The following KCNIP2 variants were observed in gnomAD, a reference collection of about 807,000 sequenced individuals.
KCNIP2 encodes potassium voltage-gated channel interacting protein 2.
In KCNIP2, 19 loss-of-function variants were observed where a neutral mutation model predicts 39.0. That is an observed-to-expected ratio of 0.49 (90% CI 0.34 to 0.71). The LOEUF (loss-of-function observed/expected upper bound fraction) is 0.71, where lower values mean the gene tolerates loss of function less well. Ranked by LOEUF, KCNIP2 falls within the 30% of genes least tolerant of loss-of-function variation. The probability of loss-of-function intolerance (pLI) is 0.01; values close to 1 mark genes in which losing one functional copy is unlikely to be tolerated. For synonymous variants in KCNIP2, 111 were observed against 131.2 expected, an observed-to-expected ratio of 0.85 and a Z score of 1.05; for missense variants, 261 against 346.0, an observed-to-expected ratio of 0.75 and a Z score of 1.95.
At position 101,828,126 on chromosome 10, in the gene KCNIP2, C is replaced by T. The variant is rs191447472; in HGVS notation, c.597+25G>A. ...CGCCACCCCCATCACCGCCACAGAC[C>T]CCCAGCCCTTCAGTTGCCCTGCACC... On this transcript the variant is annotated intron_variant, in intron 7 of 9. Coordinates refer to ENST00000356640, the MANE Select transcript of KCNIP2 (RefSeq NM_173191.3). This position sits in a 1 kb window ranked among gnomAD's most constrained non-coding sequence, Gnocchi z 6.6. 8 of 1,604,032 alleles carry T rather than the reference C, an allele frequency of 5.0e-6. No homozygotes were observed. The African/African-American group carries it at 1.1e-4, about 21-fold the overall frequency.
chr10:101,835,350 A>G (rs2066120474), intron 1 of KCNIP2, among the ~76,000 whole-genome samples: 1 of 152,152 alleles, frequency 6.6e-6, no homozygotes, highest in Admixed American at 6.5e-5. Flanking sequence ...GATAAGATAC[A>G]GTAGTAGCCT....
Position 101,843,375 on chromosome 10 carries a change from A to C in KCNIP2, c.73+121T>G. 3 of 560,220 alleles carry C rather than the reference A, an allele frequency of 5.4e-6. No individual in the cohort carries two copies. The highest frequency in any genetic ancestry group is 3.5e-5 in the East Asian group (1 of 28,312). 34.7% of individuals were successfully genotyped at this position (560,220 alleles called of 1,614,324 possible). On this transcript the variant is annotated intron_variant, in intron 1 of 9. Coordinates refer to ENST00000356640, the MANE Select transcript of KCNIP2 (RefSeq NM_173191.3). The surrounding 1 kb of genome is among the most constrained non-coding windows in gnomAD (Gnocchi z 6.7). Reference sequence around the variant, plus strand: ...CAGTGTCCTGCCGCCCAGACCGGCCATAAGAGTGCCTGGGAATGGGGCAGA... The same window carrying C: ...CAGTGTCCTGCCGCCCAGACCGGCCCTAAGAGTGCCTGGGAATGGGGCAGA...
intron 1 of KCNIP2, among the ~76,000 whole-genome samples, chr10:101,835,074 G>A (rs1487678511): frequency 6.6e-6 from 1 of 152,184 alleles, no homozygotes; most frequent in Non-Finnish European, 1.5e-5. Flanking sequence ...TGCATGGGGA[G>A]TGAGGTTCCT....
In KCNIP2 at chr10:101,838,021, T is replaced by C. The variant is rs535441940; in HGVS notation, c.73+5475A>G. The stretch of plus-strand genomic sequence containing the variant: ...CTTGACCCAGCCTTGCCAGGACTCA[T>C]GGTCCTAAATCAGCCAGGCATCCTG... On this transcript the variant is annotated intron_variant, in intron 1 of 9. Coordinates refer to ENST00000356640, the MANE Select transcript of KCNIP2 (RefSeq NM_173191.3). The surrounding 1 kb of genome is among the most constrained non-coding windows in gnomAD (Gnocchi z 4.0). 6.6e-6 allele frequency among the ~76,000 whole-genome samples: 1 copy of C among 152,320 alleles called. No homozygotes were observed. Among genetic ancestry groups the C allele is most frequent in the Admixed American group, 6.5e-5 (1 of 15,296 alleles).
chr10:101,839,749 A>G lies in KCNIP2; in HGVS notation c.73+3747T>C, dbSNP rs974109716. The G allele has an allele frequency of 4.4e-5, 71 of 1,611,984 alleles. 1 individual carries two copies. Among genetic ancestry groups the G allele is most frequent in the Non-Finnish European group, 6.0e-5 (71 of 1,179,064 alleles). ...CTGCCCCTCCCTTCCCTTCCTCATC[A>G]TACCTGGGGACAGCGACCCAGTCAC... is the stretch of plus-strand genomic sequence containing the variant. On this transcript the variant is annotated intron_variant, in intron 1 of 9. Coordinates refer to ENST00000356640, the MANE Select transcript of KCNIP2 (RefSeq NM_173191.3).
At chr10:101,835,839 A>G (rs1000521020) in intron 1 of KCNIP2, among the ~76,000 whole-genome samples, 19 of 152,248 alleles carry the variant, frequency 1.2e-4, no homozygotes, top group Admixed American at 1.2e-3. Flanking sequence ...AATTTTCACA[A>G]TAAGCCTATG....
At chr10:101,840,826 G>C (rs2135210961) in intron 1 of KCNIP2, among the ~76,000 whole-genome samples, 1 of 152,200 alleles carries the variant, frequency 6.6e-6, no homozygotes, top group East Asian at 1.9e-4. Flanking sequence ...CGTGCGCATG[G>C]CTCCTCGCAG....
intron 3 of KCNIP2, 30 bp downstream of exon 3, chr10:101,829,809 TGCCCC>T (rs1319559131): frequency 2.6e-6 from 2 of 768,416 alleles, no homozygotes; most frequent in African/African-American, 2.9e-5. Context: ...AAAGCCGCCC[TGCCCC>T]GCCCCGCCCC....
intron 1 of KCNIP2, among the ~76,000 whole-genome samples, chr10:101,834,066 A>G (rs1689259069): frequency 6.7e-6 from 1 of 149,898 alleles, no homozygotes; most frequent in Non-Finnish European, 1.5e-5. Context: ...CTCCCTCCAT[A>G]TCTACTCCTT....
chr10:101,835,865 C>G (rs959137455), intron 1 of KCNIP2, among the ~76,000 whole-genome samples: 13 of 152,192 alleles, frequency 8.5e-5, no homozygotes, highest in Non-Finnish European at 1.5e-4. Flanking sequence ...ATACTATTAT[C>G]CTCATATTAC....
chr10:101,838,268 G>T lies in KCNIP2; in HGVS notation c.73+5228C>A, dbSNP rs934972819. Reference sequence around the variant, plus strand: ...AAGGGAAAACCATCTCGAGGCATGAGGTGGGCCTTCCCCAGATCCCTCAAA... The same window carrying T: ...AAGGGAAAACCATCTCGAGGCATGATGTGGGCCTTCCCCAGATCCCTCAAA... On this transcript the variant is annotated intron_variant, in intron 1 of 9. Transcript: ENST00000356640. This position sits in a 1 kb window ranked among gnomAD's most constrained non-coding sequence, Gnocchi z 4.0. 2.6e-5 allele frequency among the ~76,000 whole-genome samples: 4 copies of T among 152,188 alleles called. No homozygotes were observed. Among genetic ancestry groups the T allele is most frequent in the Non-Finnish European group, 4.4e-5 (3 of 68,038 alleles).
At chr10:101,839,651 A>G in intron 1 of KCNIP2, 1 of 1,050,312 alleles carries the variant, frequency 9.5e-7, no homozygotes. Context: ...TGCTCCCTCC[A>G]TCTATTTGAG....
intron 2 of KCNIP2, among the ~76,000 whole-genome samples, chr10:101,830,098 T>G (rs1048310907): frequency 6.6e-6 from 1 of 152,082 alleles, no homozygotes; most frequent in Non-Finnish European, 1.5e-5. Flanking sequence ...CACCCCCGTG[T>G]GGGACCCATC....
chr10:101,830,333 G>C, intron 2 of KCNIP2: 18 of 1,167,208 alleles, frequency 1.5e-5, no homozygotes, highest in Non-Finnish European at 2.0e-5. Flanking sequence ...CTCTACACCT[G>C]TCACCATCCT....
At chr10:101,841,408 C>G (rs191930911) in intron 1 of KCNIP2, among the ~76,000 whole-genome samples, 7 of 152,324 alleles carry the variant, frequency 4.6e-5, no homozygotes, top group African/African-American at 1.7e-4. Context: ...GCCCGCCCGC[C>G]CGGGAGTCTT....
At chr10:101,842,960 A>G (rs919378665) in intron 1 of KCNIP2, among the ~76,000 whole-genome samples, 1 of 152,228 alleles carries the variant, frequency 6.6e-6, no homozygotes, top group Admixed American at 6.5e-5. Context: ...TAGAGCCCTG[A>G]CACATTCTGG....
chr10:101,830,681 C>CCACACACACACACA (rs61337190), intron 2 of KCNIP2, among the ~76,000 whole-genome samples: 1 of 145,196 alleles, frequency 6.9e-6, no homozygotes, highest in Non-Finnish European at 1.5e-5. Context: ...CTGGTCACGC[C>CCACACACACACACA]CACACACACA....
In KCNIP2 at chr10:101,838,718, C is replaced by A. The variant is rs1189986814; in HGVS notation, c.73+4778G>T. On this transcript the variant is annotated intron_variant, in intron 1 of 9. Coordinates refer to ENST00000356640, the MANE Select transcript of KCNIP2 (RefSeq NM_173191.3). The surrounding 1 kb of genome is among the most constrained non-coding windows in gnomAD (Gnocchi z 4.0). ...AGGTATGGTTCTGGCTCAGGACCAT[C>A]CATCTACCCTCCTTTTGGGGGACAG... 6.6e-6 allele frequency among the ~76,000 whole-genome samples: 1 copy of A among 152,198 alleles called. No homozygotes were observed. Among genetic ancestry groups the A allele is most frequent in the East Asian group, 1.9e-4 (1 of 5,202 alleles).
chr10:101,827,944 G>T lies in KCNIP2; in HGVS notation c.647C>A (p.Thr216Lys). ...KSIYDMMGKY[T>K]YPALREEAPR... The stretch of plus-strand genomic sequence containing the variant: ...GGCCTCCTCCCGGAGTGCAGGGTAC[G>T]TGTACTTGCCCATCATGTCATAGAT... The change falls in exon 8 of 10, where the codon ACG (threonine) becomes AAG (lysine). Residue 216 changes from threonine (T) to lysine (K), a missense_variant. Thr to Lys is a moderately conservative substitution (Grantham distance 78). Coordinates refer to ENST00000356640, the MANE Select transcript of KCNIP2 (RefSeq NM_173191.3). The T allele has an allele frequency of 6.2e-7, 1 of 1,614,030 alleles. No individual in the cohort carries two copies. The highest frequency in any genetic ancestry group is 1.3e-5 in the African/African-American group (1 of 75,022).
Sources: allele counts gnomAD v4.1 joint callset (sites outside exome capture counted in the v4.1 genomes callset), GRCh38; gene constraint gnomAD v4.1.1; non-coding constraint Gnocchi (gnomAD v3.1); transcripts MANE v1.5; gene names NCBI Gene and HGNC (gene_info 2026-07-23, HGNC 2026-07-21).